Variants in MTF1 observed in about 807,000 individuals in gnomAD.
MTF1 encodes the protein metal regulatory transcription factor 1.
A neutral mutation model predicts 70.4 loss-of-function variants in MTF1; 22 were observed. The ratio of observed to expected loss-of-function variants is 0.31; its 90% CI spans 0.22 to 0.45. MTF1 has a LOEUF of 0.45. MTF1 is among the 20% of genes least tolerant of loss of function. The pLI is 1.00. For missense variants in MTF1, 649 were observed against 922.0 expected, an observed-to-expected ratio of 0.70 and a Z score of 3.83; for synonymous variants, 333 against 352.8, an observed-to-expected ratio of 0.94 and a Z score of 0.63.
In MTF1 at chr1:37,856,719, C is replaced by T. The variant is rs892325145; in HGVS notation, c.408+532G>A. 4.5e-4 allele frequency among the ~76,000 whole-genome samples: 68 copies of T among 151,280 alleles called. 2 individuals carry two copies. The highest frequency in any genetic ancestry group is 7.4e-5 in the Non-Finnish European group (5 of 67,860). On this transcript the variant is annotated intron_variant, in intron 2 of 10. Coordinates refer to ENST00000373036, the MANE Select transcript of MTF1 (RefSeq NM_005955.3). Reference sequence around the variant, plus strand: ...TTCACCATGTTGGCCAGGCTGCTCTCGAACTCCTGACCTCAAATGATCCAC... The same window carrying T: ...TTCACCATGTTGGCCAGGCTGCTCTTGAACTCCTGACCTCAAATGATCCAC...
At chr1:37,823,206 C>CG (rs1640945564) in intron 8 of MTF1, among the ~76,000 whole-genome samples, 1 of 151,844 alleles carries the variant, frequency 6.6e-6, no homozygotes, top group Non-Finnish European at 1.5e-5. Flanking sequence ...GAGGCTGAGG[C>CG]GGGTGGATTG....
Position 37,857,696 on chromosome 1 carries a change from A to T in MTF1, c.-38T>A, listed in dbSNP as rs750506972. The T allele has an allele frequency of 6.3e-6, 10 of 1,596,366 alleles. No individual in the cohort carries two copies. Among genetic ancestry groups the T allele is most frequent in the Admixed American group, 1.7e-5 (1 of 59,092 alleles). On this transcript the variant is annotated 5_prime_UTR_variant, in exon 2 of 11. Transcript: ENST00000373036. ...CTCAGCCCAGTTGTGAGAAATGAAA[A>T]CGTAATGACTTGTCTGCAACAGAAC... is the stretch of plus-strand genomic sequence containing the variant.
At chr1:37,827,113 A>G (rs1641013857) in intron 7 of MTF1, among the ~76,000 whole-genome samples, 1 of 152,276 alleles carries the variant, frequency 6.6e-6, no homozygotes, top group East Asian at 1.9e-4. Flanking sequence ...TACATTCTTC[A>G]TATTATATAC....
At chr1:37,844,765 C>T (rs192283283) in intron 2 of MTF1, among the ~76,000 whole-genome samples, 23 of 152,308 alleles carry the variant, frequency 1.5e-4, no homozygotes, top group African/African-American at 4.3e-4. Flanking sequence ...CCAAACTCTA[C>T]TCCCATTCAT....
At chr1:37,820,375 A>G (rs2148401096) in intron 9 of MTF1, among the ~76,000 whole-genome samples, 1 of 152,368 alleles carries the variant, frequency 6.6e-6, no homozygotes. Flanking sequence ...CCCTCAACGC[A>G]GTGGCCAAGA....
intron 7 of MTF1, among the ~76,000 whole-genome samples, chr1:37,825,701 TTCCTCC>T (rs1640992305): frequency 6.6e-6 from 1 of 152,162 alleles, no homozygotes; most frequent in Admixed American, 6.5e-5. Flanking sequence ...CCTCTTCCTC[TTCCTCC>T]GCCTACTCAA....
intron 7 of MTF1, chr1:37,828,183 A>C: frequency 2.4e-6 from 1 of 418,786 alleles, no homozygotes; most frequent in Non-Finnish European, 4.7e-6. Flanking sequence ...TAAAAAAAAA[A>C]AAACAGGAAA....
At chr1:37,836,947 G>T (rs551150794) in intron 4 of MTF1, among the ~76,000 whole-genome samples, 13 of 72,530 alleles carry the variant, frequency 1.8e-4, no homozygotes, top group South Asian at 5.2e-4. Context: ...GAAGGGGGGC[G>T]GCGGGGAATA....
intron 3 of MTF1, 122 bp from the exon 4 acceptor site, chr1:37,838,878 C>G: frequency 1.4e-6 from 1 of 699,506 alleles, no homozygotes; most frequent in Non-Finnish European, 2.1e-6. Flanking sequence ...AGTCTCGGCT[C>G]ACTGCAACCT....
chr1:37,813,731 C>T lies in MTF1; in HGVS notation c.*1405G>A, dbSNP rs999495579. On this transcript the variant is annotated 3_prime_UTR_variant, in exon 11 of 11. Coordinates refer to ENST00000373036, the MANE Select transcript of MTF1 (RefSeq NM_005955.3). ...GAGCTCGGTGAGTTTGGTCAGCACT[C>T]ATGACTATGTTAATATAGCCTGTTG... The T allele has an allele frequency of 2.6e-5, 4 of 152,320 alleles. No homozygotes were observed. The highest frequency in any genetic ancestry group is 4.8e-5 in the African/African-American group (2 of 41,474). The allele number at this position is 152,320 out of a possible 1,614,324, so 9.4% of individuals were successfully genotyped here.
intron 4 of MTF1, among the ~76,000 whole-genome samples, chr1:37,836,027 C>T (rs1406364198): frequency 6.6e-6 from 1 of 152,156 alleles, no homozygotes; most frequent in Non-Finnish European, 1.5e-5. Flanking sequence ...GTCTCGATCT[C>T]CTGACCTTGT....
intron 9 of MTF1, among the ~76,000 whole-genome samples, chr1:37,819,140 C>T (rs532851270): frequency 5.3e-5 from 8 of 152,348 alleles, no homozygotes; most frequent in Non-Finnish European, 8.8e-5. Flanking sequence ...CAACTTCGGA[C>T]TTCTCAGCCT....
At chr1:37,849,042 C>T (rs1381144860) in intron 2 of MTF1, among the ~76,000 whole-genome samples, 6 of 152,152 alleles carry the variant, frequency 3.9e-5, no homozygotes, top group Non-Finnish European at 5.9e-5. Flanking sequence ...AAATCTGTCA[C>T]ACTAAAAGAA....
chr1:37,833,628 C>T (rs1338478076), intron 6 of MTF1, among the ~76,000 whole-genome samples: 2 of 152,144 alleles, frequency 1.3e-5, no homozygotes, highest in Non-Finnish European at 2.9e-5. Flanking sequence ...CCACGTAGAG[C>T]TTACGTTCTA....
chr1:37,842,930 G>A (rs1415143888), intron 2 of MTF1, among the ~76,000 whole-genome samples: 1 of 152,196 alleles, frequency 6.6e-6, no homozygotes, highest in Non-Finnish European at 1.5e-5. Flanking sequence ...GTCAGGGTCC[G>A]GATGCAGGTG....
At chr1:37,819,768 A>G (rs1489886134) in intron 9 of MTF1, among the ~76,000 whole-genome samples, 1 of 152,096 alleles carries the variant, frequency 6.6e-6, no homozygotes, top group Non-Finnish European at 1.5e-5. Context: ...CCTGGCCAAC[A>G]TGGTGAAACC....
intron 7 of MTF1, chr1:37,828,187 C>G: frequency 6.2e-6 from 2 of 322,048 alleles, no homozygotes; most frequent in East Asian, 1.3e-4. Flanking sequence ...AAAAAAAAAA[C>G]AGGAAAAACT....
intron 9 of MTF1, among the ~76,000 whole-genome samples, chr1:37,821,455 T>C (rs1209292723): frequency 2.0e-5 from 3 of 152,184 alleles, no homozygotes; most frequent in African/African-American, 7.2e-5. Context: ...CTTTTTGGCA[T>C]TTTTAGCCTC....
intron 2 of MTF1, among the ~76,000 whole-genome samples, chr1:37,849,800 T>A (rs755981143): frequency 6.6e-6 from 1 of 151,960 alleles, no homozygotes; most frequent in African/African-American, 2.4e-5. Context: ...GGAGGGAGAA[T>A]TGGTTGAGGC....
Sources: gnomAD v4.1 joint callset for allele counts (sites outside exome capture counted in the v4.1 genomes callset) on GRCh38, gnomAD v4.1.1 for gene constraint, MANE v1.5 for transcripts, NCBI Gene and HGNC (gene_info 2026-07-23, HGNC 2026-07-21) for gene names.